The following SLC9A9 variants were observed in gnomAD, a reference collection of about 807,000 sequenced individuals.
The protein encoded by SLC9A9 is solute carrier family 9 member A9, also known as sodium/hydrogen exchanger 9.
SLC9A9 carries 62 observed loss-of-function variants against 77.8 expected under a neutral mutation model. The observed-to-expected ratio is 0.80, with a 90% CI of 0.65 to 0.98. The LOEUF (loss-of-function observed/expected upper bound fraction) is 0.98, where lower values mean the gene tolerates loss of function less well. Ranked by LOEUF, SLC9A9 falls within the 50% of genes least tolerant of loss-of-function variation. The probability of loss-of-function intolerance (pLI) is 0.00; values close to 1 mark genes in which losing one functional copy is unlikely to be tolerated. For missense variants in SLC9A9, 775 were observed against 774.9 expected, an observed-to-expected ratio of 1.00 and a Z score of 0.00; for synonymous variants, 320 against 283.5, an observed-to-expected ratio of 1.13 and a Z score of -1.29.
intron 5 of SLC9A9, among the ~76,000 whole-genome samples, chr3:143,676,755 A>C (rs1016928370): frequency 4.5e-4 from 67 of 148,926 alleles, no homozygotes; most frequent in Admixed American, 4.4e-3. Context: ...AACAAACAAA[A>C]ACAAACAAAA....
intron 5 of SLC9A9, among the ~76,000 whole-genome samples, chr3:143,686,469 T>C (rs1933268344): frequency 1.3e-5 from 2 of 152,138 alleles, no homozygotes; most frequent in South Asian, 2.1e-4. Context: ...CAGTATTTAA[T>C]AGGGTGAGCA....
chr3:143,511,210 G>A (rs577769243), intron 9 of SLC9A9, among the ~76,000 whole-genome samples: 2 of 152,258 alleles, frequency 1.3e-5, no homozygotes, highest in Non-Finnish European at 2.9e-5. Flanking sequence ...AGTAAAGAGG[G>A]GAAGGAAGAA....
intron 5 of SLC9A9, among the ~76,000 whole-genome samples, chr3:143,674,303 C>G (rs1036970583): frequency 6.6e-6 from 1 of 152,130 alleles, no homozygotes; most frequent in African/African-American, 2.4e-5. Context: ...TTTTGATATC[C>G]AGGACGCTCT....
chr3:143,359,910 AACCTTGTTATCAC>A (rs766715238), intron 14 of SLC9A9, among the ~76,000 whole-genome samples: 74 of 152,294 alleles, frequency 4.9e-4, no homozygotes, highest in Non-Finnish European at 8.7e-4. Flanking sequence ...AAAAACCTGT[AACCTTGTTATCAC>A]ACCGATATAG....
intron 6 of SLC9A9, among the ~76,000 whole-genome samples, chr3:143,651,860 A>C (rs1392311589): frequency 6.6e-6 from 1 of 152,222 alleles, no homozygotes; most frequent in African/African-American, 2.4e-5. Context: ...TCTGGCTCCA[A>C]TCTGCCAATC....
At chr3:143,715,409 C>G (rs1934314425) in intron 4 of SLC9A9, among the ~76,000 whole-genome samples, 1 of 152,138 alleles carries the variant, frequency 6.6e-6, no homozygotes, top group Non-Finnish European at 1.5e-5. Context: ...TTGCCTTACC[C>G]TGCCCACATA....
At chr3:143,610,366 T>G (rs1447292057) in intron 6 of SLC9A9, among the ~76,000 whole-genome samples, 4 of 152,136 alleles carry the variant, frequency 2.6e-5, no homozygotes, top group Non-Finnish European at 5.9e-5. Flanking sequence ...AGGCTGGTCT[T>G]GAACTCCTGG....
intron 7 of SLC9A9, among the ~76,000 whole-genome samples, chr3:143,576,311 CACTT>C (rs746070431): frequency 6.6e-6 from 1 of 152,196 alleles, no homozygotes; most frequent in Non-Finnish European, 1.5e-5. Context: ...CCATGCAAAA[CACTT>C]AGGGCAATGG....
chr3:143,845,668 G>C (rs941002511), intron 1 of SLC9A9, among the ~76,000 whole-genome samples: 10 of 152,168 alleles, frequency 6.6e-5, no homozygotes, highest in African/African-American at 2.4e-4. Context: ...AAAGGGGATA[G>C]AGAAGATAAC....
intron 13 of SLC9A9, among the ~76,000 whole-genome samples, chr3:143,371,685 T>C (rs1289566411): frequency 5.9e-5 from 9 of 152,134 alleles, no homozygotes; most frequent in African/African-American, 2.2e-4. Context: ...CAGAAGGATG[T>C]AAATTGTATT....
chr3:143,332,860 T>A (rs2031817019), intron 14 of SLC9A9, among the ~76,000 whole-genome samples: 1 of 152,232 alleles, frequency 6.6e-6, no homozygotes, highest in Admixed American at 6.5e-5. Context: ...TTGATTGTCA[T>A]CTATATCGCT....
rs1321146407 is a variant in SLC9A9, at chr3:143,313,812, G to A, written c.1605-44832C>T. On this transcript the variant is annotated intron_variant, in intron 14 of 15. Coordinates refer to ENST00000316549, the MANE Select transcript of SLC9A9 (RefSeq NM_173653.4). ...GGGGAATGGCCCTGGTTGGGGTGAC[G>A]GCTTTGCAAATGGGCCTGCCACTCA... 2.0e-5 allele frequency among the ~76,000 whole-genome samples: 3 copies of A among 152,180 alleles called. No individual in the cohort carries two copies. The East Asian group carries it at 5.8e-4, about 29-fold the overall frequency.
chr3:143,579,090 A>G (rs935141290), intron 6 of SLC9A9, among the ~76,000 whole-genome samples: 1 of 152,204 alleles, frequency 6.6e-6, no homozygotes, highest in Non-Finnish European at 1.5e-5. Context: ...GTGCTGTTAT[A>G]TATTCACAGA....
chr3:143,762,213 G>A (rs1024757216), intron 4 of SLC9A9, among the ~76,000 whole-genome samples: 1 of 152,150 alleles, frequency 6.6e-6, no homozygotes, highest in Non-Finnish European at 1.5e-5. Context: ...AGGGGGAAGG[G>A]ATAGCATTAG....
intron 6 of SLC9A9, among the ~76,000 whole-genome samples, chr3:143,612,621 G>T (rs1045626352): frequency 6.6e-6 from 1 of 152,184 alleles, no homozygotes; most frequent in Non-Finnish European, 1.5e-5. Flanking sequence ...TCATTTCATA[G>T]TATCCCTTTA....
At chr3:143,805,636 C>T (rs891260038) in intron 2 of SLC9A9, among the ~76,000 whole-genome samples, 1 of 152,060 alleles carries the variant, frequency 6.6e-6, no homozygotes, top group African/African-American at 2.4e-5. Context: ...GAAAATGGCC[C>T]ATTCCTGCCT....
At chr3:143,508,647 A>G (rs1378610110) in intron 9 of SLC9A9, among the ~76,000 whole-genome samples, 1 of 152,250 alleles carries the variant, frequency 6.6e-6, no homozygotes, top group African/African-American at 2.4e-5. Context: ...GTACAACAGT[A>G]ATCAGAACTT....
intron 9 of SLC9A9, among the ~76,000 whole-genome samples, chr3:143,530,236 A>G (rs1420861943): frequency 6.6e-6 from 1 of 152,242 alleles, no homozygotes; most frequent in African/African-American, 2.4e-5. Flanking sequence ...CACAAATCTC[A>G]TCTTGTATTG....
intron 9 of SLC9A9, among the ~76,000 whole-genome samples, chr3:143,551,611 A>C (rs2036885976): frequency 6.6e-6 from 1 of 152,212 alleles, no homozygotes; most frequent in Admixed American, 6.5e-5. Flanking sequence ...ATCTCTGGAA[A>C]CTTTCTCCTG....
Sources: gnomAD v4.1 joint callset for allele counts (sites outside exome capture counted in the v4.1 genomes callset) on GRCh38, gnomAD v4.1.1 for gene constraint, MANE v1.5 for transcripts, NCBI Gene and HGNC (gene_info 2026-07-23, HGNC 2026-07-21) for gene names.